KRT7: variants seen among roughly 807,000 people sequenced by gnomAD.
KRT7 encodes the protein keratin, type II cytoskeletal 7.
KRT7 carries 50 observed loss-of-function variants against 42.8 expected under a neutral mutation model. The observed-to-expected ratio is 1.17, with a 90% CI of 0.93 to 1.48. KRT7 has a LOEUF of 1.48. Ranked by LOEUF, KRT7 falls within the 40% of genes most tolerant of loss-of-function variation. The probability of loss-of-function intolerance (pLI) is 0.00; values close to 1 mark genes in which losing one functional copy is unlikely to be tolerated. For missense variants in KRT7, 588 were observed against 637.6 expected, an observed-to-expected ratio of 0.92 and a Z score of 0.84; for synonymous variants, 268 against 266.3, an observed-to-expected ratio of 1.01 and a Z score of -0.06.
At chr12:52,241,827 G>A in intron 5 of KRT7, 191 bp downstream of exon 5, 2 of 505,654 alleles carry the variant, frequency 4.0e-6, no homozygotes, top group Non-Finnish European at 3.5e-6. Context: ...AAATAGATAT[G>A]GATTAATCAT....
At position 52,245,410 on chromosome 12, in the gene KRT7, A is replaced by G; in HGVS notation, c.985-2A>G. On this transcript the variant is annotated splice_acceptor_variant, in intron 6 of 8. Transcript: ENST00000331817. LOFTEE classifies it high-confidence loss of function. ...AGCTTACAGCTGCACTGCTGCCCAC[A>G]GCGTGCCAAGTTGGAGGCCGCCATT... The G allele has an allele frequency of 6.2e-7, 1 of 1,613,506 alleles. No homozygotes were observed. The highest frequency in any genetic ancestry group is 8.5e-7 in the Non-Finnish European group (1 of 1,179,886).
intron 6 of KRT7, 165 bp from the exon 7 acceptor site, chr12:52,245,247 A>G (rs1479407970): frequency 6.0e-6 from 4 of 668,828 alleles, no homozygotes; most frequent in Non-Finnish European, 7.6e-6. Context: ...TAGGCGTTGG[A>G]TATCCAAACC....
At chr12:52,234,926 G>A (rs141857501) in intron 1 of KRT7, among the ~76,000 whole-genome samples, 2 of 152,298 alleles carry the variant, frequency 1.3e-5, no homozygotes, top group African/African-American at 4.8e-5. Flanking sequence ...GAGCACATTC[G>A]TCGAGAGTCA....
intron 6 of KRT7, among the ~76,000 whole-genome samples, chr12:52,244,875 C>G (rs987140945): frequency 6.6e-6 from 1 of 152,138 alleles, no homozygotes; most frequent in Admixed American, 6.5e-5. Context: ...GCTCCAGGCC[C>G]TCCTATTCTG....
chr12:52,235,040 GA>G, intron 1 of KRT7, 114 bp from the exon 2 acceptor site: 1 of 959,596 alleles, frequency 1.0e-6, no homozygotes. Flanking sequence ...CCCAGGCAGG[GA>G]AACAGCCAGG....
At chr12:52,245,081 G>C (rs1358883732) in intron 6 of KRT7, 1 of 411,542 alleles carries the variant, frequency 2.4e-6, no homozygotes, top group Non-Finnish European at 4.3e-6. Context: ...AGCACTTGCT[G>C]TGTGCTAGAC....
At chr12:52,246,636 C>T (rs1942177673) in intron 7 of KRT7, among the ~76,000 whole-genome samples, 1 of 152,108 alleles carries the variant, frequency 6.6e-6, no homozygotes, top group Admixed American at 6.5e-5. Flanking sequence ...GGGCTTTGCC[C>T]CTGCTGCTGA....
intron 8 of KRT7, 121 bp from the exon 9 acceptor site, chr12:52,248,470 T>A (rs1471339037): frequency 9.3e-7 from 1 of 1,080,444 alleles, no homozygotes; most frequent in African/African-American, 1.7e-5. Flanking sequence ...GGTTGGCCCA[T>A]GGAGGGGGGC....
downstream of KRT7, chr12:52,250,390 G>C: frequency 2.5e-6 from 1 of 393,624 alleles, no homozygotes; most frequent in Non-Finnish European, 4.8e-6. Flanking sequence ...CACGTCTGGG[G>C]ACCGTGGGAG....
At chr12:52,234,124 G>C (rs1393018562) in intron 1 of KRT7, among the ~76,000 whole-genome samples, 2 of 137,888 alleles carry the variant, frequency 1.5e-5, no homozygotes, top group African/African-American at 5.7e-5. Flanking sequence ...GGTGGGGCGG[G>C]GGAGGGGGGG....
chr12:52,249,077 A>C (rs1429723340), downstream of KRT7, among the ~76,000 whole-genome samples: 1 of 152,186 alleles, frequency 6.6e-6, no homozygotes. Context: ...ACGCTTACCT[A>C]GGGTGAGCCT....
downstream of KRT7, chr12:52,251,933 G>A (rs1942271438): frequency 5.8e-6 from 3 of 520,496 alleles, no homozygotes; most frequent in Admixed American, 6.9e-5. Context: ...TGGCCCACGA[G>A]CCTAAAGTTT....
In KRT7 at chr12:52,233,289, C is replaced by T; in HGVS notation, c.-8C>T. On this transcript the variant is annotated 5_prime_UTR_variant, in exon 1 of 9. Coordinates refer to ENST00000331817, the MANE Select transcript of KRT7 (RefSeq NM_005556.4). ...GCCCGCCGCTAGGTCCATCCCGGCC[C>T]AGCCACCATGTCCATCCACTTCAGC... is the stretch of plus-strand genomic sequence containing the variant. 1 of 1,539,044 alleles carries T rather than the reference C, an allele frequency of 6.5e-7. No homozygotes were observed. The highest frequency in any genetic ancestry group is 8.7e-7 in the Non-Finnish European group (1 of 1,150,738).
downstream of KRT7, chr12:52,249,257 C>G (rs1355441653): frequency 6.6e-6 from 1 of 152,440 alleles, no homozygotes; most frequent in Non-Finnish European, 1.5e-5. Flanking sequence ...AGAGCACATT[C>G]CTTTTGTGAG....
Position 52,243,107 on chromosome 12 carries a change from G to A in KRT7, c.954G>A (p.Leu318=), listed in dbSNP as rs1001854721. ...AGATGAACCGGGCCATCCAGAGGCT[G>A]CAGGCTGAGATCGACAACATCAAGA... is the stretch of plus-strand genomic sequence containing the variant. ...ISEMNRAIQR[L]QAEIDNIKNQ... Residue 318 remains leucine, a synonymous_variant, in exon 6 of 9, where the codon CTG becomes CTA. Coordinates refer to ENST00000331817, the MANE Select transcript of KRT7 (RefSeq NM_005556.4). 2 of 1,613,290 alleles carry A rather than the reference G, an allele frequency of 1.2e-6. No homozygotes were observed. Among genetic ancestry groups the A allele is most frequent in the Non-Finnish European group, 8.5e-7 (1 of 1,179,672 alleles).
chr12:52,242,699 G>T (rs1184989982), intron 5 of KRT7, among the ~76,000 whole-genome samples: 1 of 152,102 alleles, frequency 6.6e-6, no homozygotes, highest in Admixed American at 6.5e-5. Flanking sequence ...TGGGTGTTCT[G>T]GGTGTTGAAT....
chr12:52,245,478 C>T lies in KRT7; in HGVS notation c.1051C>T (p.Arg351Cys), dbSNP rs146115975. The change falls in exon 7 of 9, where the codon CGT becomes TGT. Residue 351 changes from arginine (R) to cysteine (C), a missense_variant. By Grantham distance (180) the Arg-to-Cys change is radical. Transcript: ENST00000331817. Reference protein sequence around the residue: ...ERGELALKDARAKQEELEAAL... With the variant: ...ERGELALKDACAKQEELEAAL... Reference sequence around the variant, plus strand: ...TGGGGAGCTGGCGCTCAAGGATGCTCGTGCCAAGCAGGAGGAGCTGGAAGC... The same window carrying T: ...TGGGGAGCTGGCGCTCAAGGATGCTTGTGCCAAGCAGGAGGAGCTGGAAGC... 63 of 1,613,898 alleles carry T rather than the reference C, an allele frequency of 3.9e-5. No individual in the cohort carries two copies. Among genetic ancestry groups the T allele is most frequent in the East Asian group, 3.6e-4 (16 of 44,882 alleles).
intron 6 of KRT7, 118 bp from the exon 7 acceptor site, chr12:52,245,294 G>A: frequency 3.4e-6 from 3 of 892,660 alleles, no homozygotes; most frequent in East Asian, 2.6e-5. Flanking sequence ...GGTACTTGGG[G>A]GAGTAGGTGG....
chr12:52,248,644 C>G lies in KRT7; in HGVS notation c.1294C>G (p.Leu432Val). 4 of 1,611,664 alleles carry G rather than the reference C, an allele frequency of 2.5e-6. No homozygotes were observed. The highest frequency in any genetic ancestry group is 1.3e-5 in the African/African-American group (1 of 74,948). The change falls in exon 9 of 9, where the codon CTC becomes GTC. Residue 432 changes from leucine (L) to valine (V), a missense_variant. Physicochemically the swap from Leu to Val is conservative, Grantham distance 32 (BLOSUM62 1). Transcript: ENST00000331817. ...CAGTGGCGGTGGCATTGGGCTGACC[C>G]TCGGGGGAACCATGGGCAGCAATGC... ...SSSGGGIGLT[L>V]GGTMGSNALS...
Sources: gnomAD v4.1 joint callset for allele counts (sites outside exome capture counted in the v4.1 genomes callset) on GRCh38, gnomAD v4.1.1 for gene constraint, MANE v1.5 for transcripts, NCBI Gene and HGNC (gene_info 2026-07-23, HGNC 2026-07-21) for gene names.